Variants in THEM4 observed in about 807,000 individuals in gnomAD.
The protein encoded by THEM4 is acyl-coenzyme A thioesterase THEM4.
THEM4 carries 22 observed loss-of-function variants against 25.0 expected under a neutral mutation model. That is an observed-to-expected ratio of 0.88 (90% CI 0.63 to 1.26). The LOEUF is 1.26. THEM4 is among the 50% of genes most tolerant of loss of function. The pLI is 0.00. For synonymous variants in THEM4, 113 were observed against 105.6 expected (o/e 1.07, Z -0.43); for missense variants, 286 against 300.3 (o/e 0.95, Z 0.35).
chr1:151,879,103 TTA>T (rs1224625056), intron 4 of THEM4, among the ~76,000 whole-genome samples: 1 of 152,156 alleles, frequency 6.6e-6, no homozygotes, highest in African/African-American at 2.4e-5. Context: ...ATGAATAACT[TTA>T]TGTCAATACA....
At chr1:151,899,482 C>CAAAA (rs58168472) in intron 1 of THEM4, among the ~76,000 whole-genome samples, 1 of 94,658 alleles carries the variant, frequency 1.1e-5, no homozygotes, top group African/African-American at 3.7e-5. Flanking sequence ...CAGAGTGAGT[C>CAAAA]AAAAAAAAAA....
At position 151,871,347 on chromosome 1, in the gene THEM4, A is replaced by G. The variant is rs1202627069; in HGVS notation, c.*3541T>C. 1.3e-5 allele frequency among the ~76,000 whole-genome samples: 2 copies of G among 151,798 alleles called. No homozygotes were observed. Among genetic ancestry groups the G allele is most frequent in the South Asian group, 4.2e-4 (2 of 4,810 alleles). ...CTTGAAAAAAAAAAAAAAAAAAGAA[A>G]AAGAAAAAAGAAAGGAAAAAGAAGG... On this transcript the variant is annotated 3_prime_UTR_variant, in exon 6 of 6. Coordinates refer to ENST00000368814, the MANE Select transcript of THEM4 (RefSeq NM_053055.5).
chr1:151,901,733 C>T (rs899425971), intron 1 of THEM4, among the ~76,000 whole-genome samples: 6 of 152,262 alleles, frequency 3.9e-5, no homozygotes, highest in African/African-American at 1.4e-4. Flanking sequence ...ATCCCAGCTA[C>T]TCAGGAGACC....
At chr1:151,894,747 A>T (rs1264591111) in intron 2 of THEM4, 4 of 593,334 alleles carry the variant, frequency 6.7e-6, no homozygotes, top group Non-Finnish European at 8.8e-6. Context: ...AGGAGGGTGG[A>T]AGCTCTCTGG....
At chr1:151,905,918 T>C (rs1421907279) in intron 1 of THEM4, among the ~76,000 whole-genome samples, 1 of 152,232 alleles carries the variant, frequency 6.6e-6, no homozygotes, top group East Asian at 1.9e-4. Context: ...CAAGCCTAGA[T>C]AACAGCCACC....
At chr1:151,901,569 G>A (rs940599029) in intron 1 of THEM4, among the ~76,000 whole-genome samples, 2 of 152,192 alleles carry the variant, frequency 1.3e-5, no homozygotes, top group African/African-American at 4.8e-5. Context: ...TAGGCCAGGC[G>A]CTGTGGCTCA....
rs538930336 is a variant in THEM4 at position 151,895,306 on chromosome 1, G to A, written c.100-112C>T. On this transcript the variant is annotated intron_variant, in intron 1 of 5. Transcript: ENST00000368814. ...CTGCTTTTCTTCTCCCCATAAGCTT[G>A]TCACTTCAAAATGGAAGGGAATTTC... 7.9e-5 allele frequency: 75 copies of A among 947,846 alleles called. 2 individuals carry two copies. In the South Asian group the frequency reaches 1.3e-3, roughly 16 times the overall value. 58.7% of individuals were successfully genotyped at this position (947,846 alleles called of 1,614,324 possible). A position where few individuals can be genotyped will look rare whatever the true frequency, so the allele number is the denominator to read the frequency against.
Position 151,873,285 on chromosome 1 carries a change from A to C in THEM4, c.*1603T>G, listed in dbSNP as rs1381784340. Among the ~76,000 whole-genome samples, 1 of 152,142 alleles carries C rather than the reference A, an allele frequency of 6.6e-6. No homozygotes were observed. The highest frequency in any genetic ancestry group is 1.5e-5 in the Non-Finnish European group (1 of 68,026). On this transcript the variant is annotated 3_prime_UTR_variant, in exon 6 of 6. Transcript: ENST00000368814. ...CACTATCACCCTGTTCTCCTGCTGC[A>C]TTCCCCTTGCCGAGATAGTGAAAAC...
intron 2 of THEM4, among the ~76,000 whole-genome samples, chr1:151,892,343 G>C (rs1572078703): frequency 1.3e-5 from 2 of 152,300 alleles, no homozygotes; most frequent in Middle Eastern, 6.8e-3. Context: ...GGGAGGTCTA[G>C]TACAGTAAGT....
chr1:151,877,236 A>C, intron 4 of THEM4, 111 bp from the exon 5 acceptor site: 1 of 1,122,722 alleles, frequency 8.9e-7, no homozygotes, highest in Non-Finnish European at 1.2e-6. Context: ...CCTGACAACA[A>C]TGAGCACTGA....
chr1:151,909,410 G>C lies in THEM4; in HGVS notation c.49C>G (p.Leu17Val). 15 of 1,495,570 alleles carry C rather than the reference G, an allele frequency of 1.0e-5. No homozygotes were observed. Among genetic ancestry groups the C allele is most frequent in the South Asian group, 1.2e-5 (1 of 80,162 alleles). The allele number at this position is 1,495,570 out of a possible 1,614,324, so 92.6% of individuals were successfully genotyped here. ...ARLRTLGALC[L>V]PPVGRRLPGS... ...GGCAGGCGCCGGCCTACTGGCGGCAGGCACAGAGCCCCCAGCGTGCGGAGG... is the reference window on the plus strand; with the variant it reads ...GGCAGGCGCCGGCCTACTGGCGGCACGCACAGAGCCCCCAGCGTGCGGAGG... The change falls in exon 1 of 6, where the codon CTG (leucine) becomes GTG (valine). Residue 17 changes from leucine (L) to valine (V), a missense_variant. By Grantham distance (32) the Leu-to-Val change is conservative (BLOSUM62 1). Transcript: ENST00000368814.
intron 1 of THEM4, among the ~76,000 whole-genome samples, chr1:151,908,778 C>A (rs189243905): frequency 5.3e-5 from 8 of 152,228 alleles, no homozygotes; most frequent in African/African-American, 1.7e-4. Context: ...ATAAGAGGGG[C>A]GATCTCTGTT....
chr1:151,907,016 G>A (rs1654485172), intron 1 of THEM4, among the ~76,000 whole-genome samples: 1 of 152,132 alleles, frequency 6.6e-6, no homozygotes, highest in East Asian at 1.9e-4. Flanking sequence ...TTGTTCTTTC[G>A]CTCTTTGCAA....
At chr1:151,906,603 G>A (rs539813604) in intron 1 of THEM4, among the ~76,000 whole-genome samples, 2 of 152,378 alleles carry the variant, frequency 1.3e-5, no homozygotes, top group East Asian at 3.9e-4. Context: ...GGGCTCCTGA[G>A]TCTAGTGGGA....
In THEM4 at chr1:151,872,093, G is replaced by A. The variant is rs1227315675; in HGVS notation, c.*2795C>T. Among the ~76,000 whole-genome samples, 1 of 152,162 alleles carries A rather than the reference G, an allele frequency of 6.6e-6. No individual in the cohort carries two copies. The highest frequency in any genetic ancestry group is 1.5e-5 in the Non-Finnish European group (1 of 68,024). ...AGCCATCTCCTGGGGCACTTTCCCA[G>A]GCTCTCTCAGAATTTCTGGGAGAAG... is the stretch of plus-strand genomic sequence containing the variant. On this transcript the variant is annotated 3_prime_UTR_variant, in exon 6 of 6. Transcript: ENST00000368814.
At chr1:151,883,094 T>TTTTATTTATTTATTTA (rs10639543) in intron 4 of THEM4, among the ~76,000 whole-genome samples, 2,987 of 138,310 alleles carry the variant, frequency 0.022, 60 homozygotes, top group East Asian at 0.041. Context: ...TGTCAAATGC[T>TTTTATTTATTTATTTA]TTTATTTATT....
Position 151,871,836 on chromosome 1 carries a change from A to T in THEM4, c.*3052T>A, listed in dbSNP as rs1248834287. Among the ~76,000 whole-genome samples the T allele has an allele frequency of 1.6e-4, 25 of 152,242 alleles. No individual in the cohort carries two copies. Among genetic ancestry groups the T allele is most frequent in the Admixed American group, 1.6e-3 (24 of 15,282 alleles). ...GCCATAGCAGTTCTGCAAGCCTGCC[A>T]GAGAAATCTAACGATGAGAGTACAG... On this transcript the variant is annotated 3_prime_UTR_variant, in exon 6 of 6. Transcript: ENST00000368814.
At chr1:151,901,879 C>T (rs766666969) in intron 1 of THEM4, among the ~76,000 whole-genome samples, 9 of 152,016 alleles carry the variant, frequency 5.9e-5, no homozygotes, top group Non-Finnish European at 1.2e-4. Flanking sequence ...ACAAAAAAAC[C>T]ATGCTCCTGA....
chr1:151,888,449 G>C (rs1304297037), intron 3 of THEM4, 66 bp from the exon 4 acceptor site: 6 of 1,230,824 alleles, frequency 4.9e-6, no homozygotes, highest in Non-Finnish European at 6.9e-6. Flanking sequence ...CCTCTTGAAA[G>C]AGAAAAATTA....
Sources: allele counts gnomAD v4.1 joint callset (sites outside exome capture counted in the v4.1 genomes callset), GRCh38; gene constraint gnomAD v4.1.1; transcripts MANE v1.5; gene names NCBI Gene and HGNC (gene_info 2026-07-23, HGNC 2026-07-21).